NBEA: variants seen among roughly 807,000 people sequenced by gnomAD.
NBEA encodes the protein lysosomal-trafficking regulator 2.
In NBEA, 44 loss-of-function variants were observed where a neutral mutation model predicts 343.4. That is an observed-to-expected ratio of 0.13 (90% confidence interval 0.10 to 0.16). The LOEUF (loss-of-function observed/expected upper bound fraction) is 0.16. Ranked by LOEUF, NBEA falls within the 10% of genes least tolerant of loss-of-function variation. The pLI, the probability that NBEA is intolerant of heterozygous loss-of-function variation, is 1.00. For missense variants in NBEA, 2,555 were observed against 3,631.3 expected (o/e 0.70, Z 7.62); for synonymous variants, 1,175 against 1,238.7 (o/e 0.95, Z 1.08).
chr13:35,610,919 A>G (rs963249753), intron 48 of NBEA, among the ~76,000 whole-genome samples: 1 of 152,104 alleles, frequency 6.6e-6, no homozygotes, highest in African/African-American at 2.4e-5. Context: ...GAAGATATGT[A>G]GATGGCAAAT....
Position 34,944,173 on chromosome 13 carries a change from C to T in NBEA, c.294+1059C>T, listed in dbSNP as rs2059119397. Reference sequence around the variant, plus strand: ...TAAGGTTGGGCTTTGGGAGGCAAGACATAAATCGAGAGCAATCAGTTGAGT... The same window carrying T: ...TAAGGTTGGGCTTTGGGAGGCAAGATATAAATCGAGAGCAATCAGTTGAGT... On this transcript the variant is annotated intron_variant, in intron 1 of 58. Transcript: ENST00000379939. Among the ~76,000 whole-genome samples, 3 of 152,186 alleles carry T rather than the reference C, an allele frequency of 2.0e-5. No homozygotes were observed. In the South Asian group the frequency reaches 6.2e-4, roughly 31 times the overall value.
intron 36 of NBEA, among the ~76,000 whole-genome samples, chr13:35,330,319 A>G (rs1447840798): frequency 6.6e-6 from 1 of 152,056 alleles, no homozygotes; most frequent in African/African-American, 2.4e-5. Context: ...AAGAAATGTC[A>G]TTTGTTTTTA....
At chr13:35,017,033 G>A (rs2061682383) in intron 1 of NBEA, among the ~76,000 whole-genome samples, 1 of 152,158 alleles carries the variant, frequency 6.6e-6, no homozygotes, top group Non-Finnish European at 1.5e-5. Flanking sequence ...TCTGTTACAA[G>A]AGCAGTGGGA....
chr13:34,957,700 T>C (rs903574825), intron 1 of NBEA, among the ~76,000 whole-genome samples: 3 of 152,138 alleles, frequency 2.0e-5, no homozygotes, highest in Non-Finnish European at 4.4e-5. Context: ...TTTGAACTTA[T>C]TTTATATAAC....
chr13:35,654,411 A>C (rs1177467062), intron 53 of NBEA, among the ~76,000 whole-genome samples: 1 of 152,218 alleles, frequency 6.6e-6, no homozygotes, highest in African/African-American at 2.4e-5. Flanking sequence ...CCTTTTTCAC[A>C]GGAATTATAA....
At chr13:35,568,322 G>A (rs969012543) in intron 45 of NBEA, among the ~76,000 whole-genome samples, 6 of 152,122 alleles carry the variant, frequency 3.9e-5, no homozygotes, top group African/African-American at 1.4e-4. Context: ...TAAAAGATCA[G>A]TTAGCCAACA....
At chr13:35,351,186 G>A (rs556675238) in intron 37 of NBEA, among the ~76,000 whole-genome samples, 7 of 152,052 alleles carry the variant, frequency 4.6e-5, no homozygotes, top group East Asian at 3.9e-4. Context: ...TACCTTCCAT[G>A]AAATAGATTT....
chr13:35,207,814 A>G (rs534441172), intron 31 of NBEA, among the ~76,000 whole-genome samples: 35 of 152,276 alleles, frequency 2.3e-4, no homozygotes, highest in African/African-American at 6.7e-4. Context: ...TCCTACTATA[A>G]AAGCAACTCA....
intron 38 of NBEA, among the ~76,000 whole-genome samples, chr13:35,376,562 C>A: frequency 6.6e-6 from 1 of 152,070 alleles, no homozygotes; most frequent in Non-Finnish European, 1.5e-5. Context: ...ATTCATTTTT[C>A]TTCTTTTGCT....
At chr13:35,418,194 A>G (rs1385306957) in intron 38 of NBEA, among the ~76,000 whole-genome samples, 3 of 152,016 alleles carry the variant, frequency 2.0e-5, no homozygotes, top group African/African-American at 2.4e-5. Context: ...CTGTTTATCC[A>G]GTTTGCCAGT....
At chr13:35,128,425 A>G (rs1433896416) in intron 17 of NBEA, among the ~76,000 whole-genome samples, 1 of 152,140 alleles carries the variant, frequency 6.6e-6, no homozygotes, top group African/African-American at 2.4e-5. Flanking sequence ...ACGAACTTTA[A>G]TTCACCTATT....
At chr13:35,202,375 G>A (rs2073083111) in intron 31 of NBEA, among the ~76,000 whole-genome samples, 1 of 152,146 alleles carries the variant, frequency 6.6e-6, no homozygotes, top group East Asian at 1.9e-4. Flanking sequence ...CAAACTTAGT[G>A]TAATCCCCTG....
intron 1 of NBEA, among the ~76,000 whole-genome samples, chr13:34,982,318 T>G (rs1474625063): frequency 2.0e-5 from 3 of 152,006 alleles, no homozygotes; most frequent in Non-Finnish European, 4.4e-5. Context: ...TTTTTTGAGA[T>G]GAAGTCTCTC....
chr13:35,181,907 C>G (rs182306898), intron 28 of NBEA, among the ~76,000 whole-genome samples: 1 of 151,766 alleles, frequency 6.6e-6, no homozygotes, highest in East Asian at 1.9e-4. Flanking sequence ...TTCATATAGT[C>G]TCTTGTTCCA....
rs1566376970 is a variant in NBEA, at chr13:35,593,337, A to G, written c.7186A>G (p.Thr2396Ala). 6.2e-7 allele frequency: 1 copy of G among 1,612,514 alleles called. No homozygotes were observed. Among genetic ancestry groups the G allele is most frequent in the South Asian group, 1.1e-5 (1 of 91,012 alleles). Reference protein sequence around the residue: ...LSWLVRIEPFTTFFLNANDGK... With the variant: ...LSWLVRIEPFATFFLNANDGK... The stretch of plus-strand genomic sequence containing the variant: ...CTGTTTTTTTGCTTAGGAACCTTTC[A>G]CAACCTTCTTCCTCAATGCAAATGA... Residue 2396 changes from threonine to alanine, a missense_variant, in exon 47 of 59, where the codon ACA becomes GCA. By Grantham distance (58) the Thr-to-Ala change is moderately conservative. Transcript: ENST00000379939.
At chr13:35,170,863 C>CA (rs1168398923) in intron 25 of NBEA, among the ~76,000 whole-genome samples, 1 of 151,512 alleles carries the variant, frequency 6.6e-6, no homozygotes, top group Non-Finnish European at 1.5e-5. Flanking sequence ...AAAGAAAAAT[C>CA]AAAGCATATA....
intron 39 of NBEA, among the ~76,000 whole-genome samples, chr13:35,433,265 G>A (rs1270388558): frequency 2.0e-5 from 3 of 151,990 alleles, no homozygotes; most frequent in Non-Finnish European, 2.9e-5. Flanking sequence ...AGTGTGATGG[G>A]GTATATCAGA....
At chr13:35,109,223 T>C (rs1190436873) in intron 11 of NBEA, 67 bp from the exon 12 acceptor site, 1 of 1,403,990 alleles carries the variant, frequency 7.1e-7, no homozygotes, top group Non-Finnish European at 9.5e-7. Flanking sequence ...GTCCTTATGC[T>C]AAATCAGAAA....
intron 53 of NBEA, among the ~76,000 whole-genome samples, chr13:35,653,034 A>G (rs895528012): frequency 6.6e-6 from 1 of 152,002 alleles, no homozygotes; most frequent in Non-Finnish European, 1.5e-5. Context: ...TTAAACTGAC[A>G]TGTTGTAAAG....
Sources: gnomAD v4.1 joint callset for allele counts (sites outside exome capture counted in the v4.1 genomes callset) on GRCh38, gnomAD v4.1.1 for gene constraint, MANE v1.5 for transcripts, NCBI Gene and HGNC (gene_info 2026-07-23, HGNC 2026-07-21) for gene names.